The following GCN1 variants were observed in gnomAD, a reference collection of about 807,000 sequenced individuals.
GCN1 encodes the protein GCN1 activator of EIF2AK4.
A neutral mutation model predicts 288.4 loss-of-function variants in GCN1; 90 were observed. That is an observed-to-expected ratio of 0.31 (90% CI 0.26 to 0.37). GCN1 has a LOEUF of 0.37. Ranked by LOEUF, GCN1 falls within the 10% of genes least tolerant of loss-of-function variation. The pLI is 1.00. For synonymous variants in GCN1, 1,386 were observed against 1,420.2 expected, an observed-to-expected ratio of 0.98 and a Z score of 0.54; for missense variants, 2,586 against 3,419.9, an observed-to-expected ratio of 0.76 and a Z score of 6.08.
chr12:120,164,865 GT>G (rs1179691643), intron 16 of GCN1, 144 bp from the exon 17 acceptor site: 34,866 of 359,400 alleles, frequency 0.097, 1 homozygote, highest in South Asian at 0.14. Context: ...ATTACAGCTT[GT>G]TTTTTTTTTT....
At chr12:120,143,098 C>T (rs1450373587) in intron 42 of GCN1, among the ~76,000 whole-genome samples, 157 bp from the exon 43 acceptor site, 2 of 152,128 alleles carry the variant, frequency 1.3e-5, no homozygotes, top group Non-Finnish European at 2.9e-5. Flanking sequence ...TTTACACTCG[C>T]CCACATATTT....
At chr12:120,175,708 C>T (rs374206673) in intron 11 of GCN1, 38 bp downstream of exon 11, 18 of 1,589,742 alleles carry the variant, frequency 1.1e-5, no homozygotes, top group East Asian at 2.3e-5. Context: ...CCAGGGGCCA[C>T]GCCTCAACCA....
At chr12:120,190,452 AGT>A in intron 1 of GCN1, 52 bp from the exon 2 acceptor site, 1 of 959,840 alleles carries the variant, frequency 1.0e-6, no homozygotes, top group Non-Finnish European at 1.7e-6. Flanking sequence ...TAAAACTATG[AGT>A]GTGTGTGTTG....
intron 14 of GCN1, among the ~76,000 whole-genome samples, chr12:120,171,501 T>TC (rs1878313285): frequency 6.6e-6 from 1 of 151,968 alleles, no homozygotes; most frequent in Non-Finnish European, 1.5e-5. Flanking sequence ...CATGTTTTCT[T>TC]CCCCCCTACC....
Position 120,155,181 on chromosome 12 carries a change from A to G in GCN1, c.3630+60T>C. 6.5e-7 allele frequency: 1 copy of G among 1,539,702 alleles called. No homozygotes were observed. The highest frequency in any genetic ancestry group is 1.1e-5 in the South Asian group (1 of 89,432). On this transcript the variant is annotated intron_variant, in intron 30 of 57. Transcript: ENST00000300648. This position sits in a 1 kb window ranked among gnomAD's most constrained non-coding sequence, Gnocchi z 4.9. ...TCCTGTCTGGAGCAGTAGCGGGGTG[A>G]GCAGAGACCCACCCAACCGCACACA...
At position 120,148,339 on chromosome 12, in the gene GCN1, C is replaced by T. The variant is rs1315306277; in HGVS notation, c.4554G>A (p.Val1518=). 3.1e-6 allele frequency: 5 copies of T among 1,612,748 alleles called. No individual in the cohort carries two copies. The African/African-American group carries it at 6.7e-5, about 22-fold the overall frequency. The change falls in exon 37 of 58, where the codon GTG becomes GTA. Residue 1518 remains valine, a synonymous_variant. Coordinates refer to ENST00000300648, the MANE Select transcript of GCN1 (RefSeq NM_006836.2). Reference sequence around the variant, plus strand: ...AGTACGCCATTGCCCCAAGAAGCTCCACTGACCCTGTGGATAGCAGACACA... The same window carrying T: ...AGTACGCCATTGCCCCAAGAAGCTCTACTGACCCTGTGGATAGCAGACACA... ...EESWRTKAGS[V]ELLGAMAYCA... is the part of the protein sequence containing the mutation.
At chr12:120,139,737 C>G (rs1261079315) in intron 45 of GCN1, among the ~76,000 whole-genome samples, 1 of 152,200 alleles carries the variant, frequency 6.6e-6, no homozygotes, top group African/African-American at 2.4e-5. Context: ...TACCTCCCAT[C>G]TTCTCTAAGA....
chr12:120,165,030 CACACACAT>C (rs760115879), intron 16 of GCN1, among the ~76,000 whole-genome samples: 11 of 145,726 alleles, frequency 7.5e-5, no homozygotes, highest in South Asian at 4.3e-4. Context: ...CACACACACA[CACACACAT>C]ATATATATAT....
chr12:120,187,522 A>G (rs1878858868), intron 2 of GCN1, among the ~76,000 whole-genome samples: 1 of 152,036 alleles, frequency 6.6e-6, no homozygotes, highest in East Asian at 1.9e-4. Flanking sequence ...AGCCATGGCC[A>G]TGGTTTTCAA....
At chr12:120,151,083 T>C (rs1285138380) in intron 34 of GCN1, 62 bp downstream of exon 34, 5 of 1,577,200 alleles carry the variant, frequency 3.2e-6, no homozygotes, top group Non-Finnish European at 4.3e-6. Context: ...TCAGATTCCT[T>C]CCTCTGGCAA....
intron 53 of GCN1, among the ~76,000 whole-genome samples, chr12:120,133,060 C>G (rs1019268465): frequency 2.0e-5 from 3 of 152,262 alleles, no homozygotes; most frequent in East Asian, 1.9e-4. Flanking sequence ...GTGACCAAGA[C>G]AGCAGACTTT....
In GCN1 at chr12:120,148,174, C is replaced by T; in HGVS notation, c.4719G>A (p.Glu1573=). 1 of 1,611,548 alleles carries T rather than the reference C, an allele frequency of 6.2e-7. No homozygotes were observed. The highest frequency in any genetic ancestry group is 8.5e-7 in the Non-Finnish European group (1 of 1,178,616). Residue 1573 remains glutamate, a synonymous_variant, in exon 37 of 58, where the codon GAG becomes GAA. Transcript: ENST00000300648. ...RQIGSVIRNP[E]ILAIAPVLLD... The stretch of plus-strand genomic sequence containing the variant: ...CTCACGGGAAAGGCCTACCCAGGAT[C>T]TCCGGGTTCCTGATAACGGAGCCGA...
In GCN1 at chr12:120,158,410, T is replaced by C. The variant is rs373490477; in HGVS notation, c.2905+50A>G. On this transcript the variant is annotated intron_variant, in intron 25 of 57. Transcript: ENST00000300648. This position sits in a 1 kb window ranked among gnomAD's most constrained non-coding sequence, Gnocchi z 4.3. ...GACGCTGTGCCTTGAGCAGCATTCC[T>C]GGCACCAGCTCACACCGCCTGGTGC... 3.4e-6 allele frequency: 5 copies of C among 1,457,530 alleles called. No individual in the cohort carries two copies. Among genetic ancestry groups the C allele is most frequent in the Non-Finnish European group, 2.8e-6 (3 of 1,081,578 alleles). The allele number at this position is 1,457,530 out of a possible 1,614,324, so 90.3% of individuals were successfully genotyped here.
Position 120,177,718 on chromosome 12 carries a change from A to T in GCN1, c.695T>A (p.Leu232Gln), listed in dbSNP as rs201075891. ...CTTCGGAGGCTTGACTTTGCTCATC[A>T]GGATGTTCTTCATGTAAAAGTCCAG... ...ALLDFYMKNI[L>Q]MSKVKPPKYL... The change falls in exon 8 of 58, where the codon CTG (leucine) becomes CAG (glutamine). Residue 232 changes from leucine (L) to glutamine (Q), a missense_variant. By Grantham distance (113) the Leu-to-Gln change is moderately radical (BLOSUM62 -2). Coordinates refer to ENST00000300648, the MANE Select transcript of GCN1 (RefSeq NM_006836.2). 133 of 1,613,616 alleles carry T rather than the reference A, an allele frequency of 8.2e-5. No homozygotes were observed. The highest frequency in any genetic ancestry group is 3.3e-4 in the Middle Eastern group (2 of 6,080).
intron 20 of GCN1, among the ~76,000 whole-genome samples, 162 bp downstream of exon 20, chr12:120,162,685 T>C (rs1259483438): frequency 6.6e-6 from 1 of 152,232 alleles, no homozygotes; most frequent in Admixed American, 6.5e-5. Flanking sequence ...GTAAGTTCCC[T>C]TTTGTGCTTA....
chr12:120,127,705 A>T lies in GCN1; in HGVS notation c.*144T>A. The T allele has an allele frequency of 2.2e-6, 2 of 900,966 alleles. No individual in the cohort carries two copies. The highest frequency in any genetic ancestry group is 1.7e-6 in the Non-Finnish European group (1 of 586,222). 55.8% of individuals were successfully genotyped at this position (900,966 alleles called of 1,614,324 possible). ...TTTCAGTTGTGTGTGGGTTTGATTT[A>T]AGGCTTTGGCTGTGGTCTATTGATA... On this transcript the variant is annotated 3_prime_UTR_variant, in exon 58 of 58. Transcript: ENST00000300648.
chr12:120,175,253 A>G (rs1327587419), intron 11 of GCN1, 41 bp from the exon 12 acceptor site: 9 of 1,553,948 alleles, frequency 5.8e-6, no homozygotes, highest in African/African-American at 1.4e-5. Flanking sequence ...CACATATGCC[A>G]CATTTCCCAA....
chr12:120,168,969 G>A (rs1486298668), intron 15 of GCN1, among the ~76,000 whole-genome samples: 2 of 152,144 alleles, frequency 1.3e-5, no homozygotes, highest in African/African-American at 4.8e-5. Flanking sequence ...GTTAAGTTCA[G>A]GTGTGTCCCA....
chr12:120,155,456 G>A lies in GCN1; in HGVS notation c.3441-26C>T, dbSNP rs748472637. On this transcript the variant is annotated intron_variant, in intron 29 of 57. Transcript: ENST00000300648. This position sits in a 1 kb window ranked among gnomAD's most constrained non-coding sequence, Gnocchi z 4.9. ...CTGTGGGAGATCCAAGGCAGGGGCT[G>A]CTTAGACAAAGATCTGCAGCACTTG... is the stretch of plus-strand genomic sequence containing the variant. The A allele has an allele frequency of 5.0e-6, 8 of 1,609,290 alleles. No homozygotes were observed. In the African/African-American group the frequency reaches 6.7e-5, roughly 13 times the overall value.
Sources: gnomAD v4.1 joint callset for allele counts (sites outside exome capture counted in the v4.1 genomes callset) on GRCh38, gnomAD v4.1.1 for gene constraint, Gnocchi (gnomAD v3.1) non-coding constraint, MANE v1.5 for transcripts, NCBI Gene and HGNC (gene_info 2026-07-23, HGNC 2026-07-21) for gene names.